The following NT5C2 variants were observed in gnomAD, a reference collection of about 807,000 sequenced individuals.
NT5C2 encodes the protein 5'-nucleotidase, cytosolic II.
NT5C2 carries 58 observed loss-of-function variants against 76.1 expected under a neutral mutation model. The observed-to-expected ratio is 0.76, with a 90% CI of 0.62 to 0.95. NT5C2 has a LOEUF of 0.95. NT5C2 is among the 40% of genes least tolerant of loss of function. The pLI, the probability that NT5C2 is intolerant of heterozygous loss-of-function variation, is 0.00. For synonymous variants in NT5C2, 229 were observed against 237.4 expected (o/e 0.96, Z 0.32); for missense variants, 478 against 690.3 (o/e 0.69, Z 3.45).
At position 103,143,602 on chromosome 10, in the gene NT5C2, A is replaced by ATT. The variant is rs67395221; in HGVS notation, c.102-4125_102-4124dup. Among the ~76,000 whole-genome samples, 288 of 53,838 alleles carry ATT rather than the reference A, an allele frequency of 5.3e-3. 24 individuals carry two copies. The highest frequency in any genetic ancestry group is 0.042 in the Admixed American group (167 of 3,956). The allele number at this position is 53,838 out of a possible 152,430, so 35.3% of individuals were successfully genotyped here. A position where few individuals can be genotyped will look rare whatever the true frequency, so the allele number is the denominator to read the frequency against. Reference sequence around the variant, plus strand: ...CAGGTACGCACCACCATGTCCAGCTATTTTTTTTTTTTTTTTTTTTTTTTT... The same window carrying ATT: ...CAGGTACGCACCACCATGTCCAGCTATTTTTTTTTTTTTTTTTTTTTTTTTTT... On this transcript the variant is annotated intron_variant, in intron 3 of 18. Coordinates refer to ENST00000404739, the MANE Select transcript of NT5C2 (RefSeq NM_001351169.2).
In NT5C2 at chr10:103,094,044, T is replaced by C. The variant is rs1452370318; in HGVS notation, c.922-6A>G. 3 of 1,610,744 alleles carry C rather than the reference T, an allele frequency of 1.9e-6. No individual in the cohort carries two copies. The highest frequency in any genetic ancestry group is 2.5e-6 in the Non-Finnish European group (3 of 1,176,938). On this transcript the variant is annotated splice_polypyrimidine_tract_variant and splice_region_variant and intron_variant, in intron 13 of 18. Coordinates refer to ENST00000404739, the MANE Select transcript of NT5C2 (RefSeq NM_001351169.2). Reference sequence around the variant, plus strand: ...ATTTTCAGCTTGCCAGTTTTCTGTATGAAGAATATGGATTTTGTAATACTT... The same window carrying C: ...ATTTTCAGCTTGCCAGTTTTCTGTACGAAGAATATGGATTTTGTAATACTT...
chr10:103,145,570 C>G (rs955111549), intron 3 of NT5C2, among the ~76,000 whole-genome samples: 1 of 152,132 alleles, frequency 6.6e-6, no homozygotes, highest in African/African-American at 2.4e-5. Context: ...TGTTCAAGAG[C>G]TTGAACATAT....
At chr10:103,170,931 A>G (rs910327327) in intron 3 of NT5C2, among the ~76,000 whole-genome samples, 2 of 152,218 alleles carry the variant, frequency 1.3e-5, no homozygotes, top group Non-Finnish European at 2.9e-5. Context: ...AATACTTTAT[A>G]GTGTAAAGAC....
At chr10:103,131,759 A>G (rs1267324819) in intron 4 of NT5C2, among the ~76,000 whole-genome samples, 4 of 152,048 alleles carry the variant, frequency 2.6e-5, no homozygotes, top group Admixed American at 2.6e-4. Context: ...TGTCACTACT[A>G]AACAATGAAA....
At chr10:103,161,753 A>G (rs945349692) in intron 3 of NT5C2, among the ~76,000 whole-genome samples, 1 of 152,108 alleles carries the variant, frequency 6.6e-6, no homozygotes, top group Non-Finnish European at 1.5e-5. Flanking sequence ...AAAAGAAAAT[A>G]CTATGCTAAG....
chr10:103,110,919 C>G (rs1215045764), intron 4 of NT5C2, among the ~76,000 whole-genome samples: 1 of 151,972 alleles, frequency 6.6e-6, no homozygotes, highest in African/African-American at 2.4e-5. Flanking sequence ...GACCTGGTGG[C>G]AAAAATTCCT....
chr10:103,104,135 T>C (rs1006827386), intron 6 of NT5C2, among the ~76,000 whole-genome samples: 10 of 152,220 alleles, frequency 6.6e-5, no homozygotes, highest in African/African-American at 2.2e-4. Flanking sequence ...CGTAAGCCAC[T>C]GTGCCTGGCC....
chr10:103,093,427 A>C (rs1279753690), intron 14 of NT5C2, 118 bp from the exon 15 acceptor site: 20 of 886,072 alleles, frequency 2.3e-5, no homozygotes, highest in Non-Finnish European at 3.0e-5. Context: ...ACAGACTAGG[A>C]AGAATAGACA....
At chr10:103,162,462 A>G (rs2085162537) in intron 3 of NT5C2, among the ~76,000 whole-genome samples, 1 of 152,244 alleles carries the variant, frequency 6.6e-6, no homozygotes, top group Non-Finnish European at 1.5e-5. Flanking sequence ...GAAGGTGTTC[A>G]ACCTATTTAT....
At chr10:103,180,404 T>C (rs1700728676) in intron 2 of NT5C2, among the ~76,000 whole-genome samples, 1 of 152,174 alleles carries the variant, frequency 6.6e-6, no homozygotes, top group African/African-American at 2.4e-5. Flanking sequence ...TAAGTAATTG[T>C]CCAAGAGAAA....
intron 9 of NT5C2, among the ~76,000 whole-genome samples, chr10:103,099,547 A>G (rs1372464256): frequency 6.6e-6 from 1 of 152,150 alleles, no homozygotes; most frequent in Non-Finnish European, 1.5e-5. Context: ...ATTTTATTCA[A>G]TAGTTTATAA....
chr10:103,191,398 AGAG>A lies in NT5C2; in HGVS notation c.-169+1835_-169+1837del, dbSNP rs150057314. On this transcript the variant is annotated intron_variant, in intron 1 of 18. Transcript: ENST00000404739. ...GCTCCGTCTCAAAAAAAAAAAAAAA[AGAG>A]AGAGAGAGGAAATACTTAAAAAAAA... Among the ~76,000 whole-genome samples the A allele has an allele frequency of 3.0e-3, 218 of 72,700 alleles. 6 individuals carry two copies. The highest frequency in any genetic ancestry group is 5.9e-3 in the African/African-American group (112 of 18,866). 47.7% of individuals were successfully genotyped at this position (72,700 alleles called of 152,430 possible). A position where few individuals can be genotyped will look rare whatever the true frequency, so the allele number is the denominator to read the frequency against.
chr10:103,127,422 T>C (rs2076874588), intron 4 of NT5C2, among the ~76,000 whole-genome samples: 1 of 152,210 alleles, frequency 6.6e-6, no homozygotes, highest in African/African-American at 2.4e-5. Flanking sequence ...TAATTGGTGA[T>C]AAAGGAATCT....
At chr10:103,189,854 G>A (rs1221459484) in intron 1 of NT5C2, among the ~76,000 whole-genome samples, 6 of 151,426 alleles carry the variant, frequency 4.0e-5, no homozygotes, top group Non-Finnish European at 5.9e-5. Flanking sequence ...ATTTTTAGTA[G>A]AGACGGGGTT....
chr10:103,164,630 A>G (rs1241871621), intron 3 of NT5C2, among the ~76,000 whole-genome samples: 1 of 152,234 alleles, frequency 6.6e-6, no homozygotes, highest in Non-Finnish European at 1.5e-5. Context: ...AAATTGTGGT[A>G]TATTGATACA....
At chr10:103,122,216 T>C (rs1192090602) in intron 4 of NT5C2, among the ~76,000 whole-genome samples, 1 of 152,210 alleles carries the variant, frequency 6.6e-6, no homozygotes, top group African/African-American at 2.4e-5. Context: ...ACAGTACTTA[T>C]ATAGTAATCC....
intron 4 of NT5C2, among the ~76,000 whole-genome samples, chr10:103,113,348 A>T (rs1253955943): frequency 2.0e-5 from 3 of 152,190 alleles, no homozygotes; most frequent in Non-Finnish European, 4.4e-5. Flanking sequence ...AAAATATTCC[A>T]TCTGAGAATC....
At chr10:103,100,581 C>T (rs759620001) in intron 8 of NT5C2, 36 of 436,832 alleles carry the variant, frequency 8.2e-5, no homozygotes, top group Non-Finnish European at 1.2e-4. Flanking sequence ...TTAAGACTTA[C>T]GCAAAATTTT....
chr10:103,148,960 G>A (rs935842933), intron 3 of NT5C2, among the ~76,000 whole-genome samples: 6 of 152,162 alleles, frequency 3.9e-5, no homozygotes, highest in African/African-American at 1.4e-4. Context: ...ATGAGGATAA[G>A]GGAGAAATAT....
Sources: allele counts gnomAD v4.1 joint callset (sites outside exome capture counted in the v4.1 genomes callset), GRCh38; gene constraint gnomAD v4.1.1; transcripts MANE v1.5; gene names NCBI Gene and HGNC (gene_info 2026-07-23, HGNC 2026-07-21).